RABGAP1: variants seen among roughly 807,000 people sequenced by gnomAD.
RABGAP1 encodes the protein rab GTPase-activating protein 1.
Under a neutral mutation model 137.6 loss-of-function variants are expected in RABGAP1, and 23 were observed. That is an observed-to-expected ratio of 0.17 (90% CI 0.12 to 0.24). The LOEUF is 0.24. Among genes scored for constraint, RABGAP1 ranks in the 10% least tolerant of loss-of-function variants. RABGAP1 has a pLI of 1.00. For missense variants in RABGAP1, 906 were observed against 1,275.8 expected, an observed-to-expected ratio of 0.71 and a Z score of 4.42; for synonymous variants, 451 against 450.7, an observed-to-expected ratio of 1.00 and a Z score of -0.01.
intron 13 of RABGAP1, among the ~76,000 whole-genome samples, chr9:123,048,830 A>C (rs2033333654): frequency 6.6e-6 from 1 of 152,216 alleles, no homozygotes; most frequent in African/African-American, 2.4e-5. Context: ...ATTGCTGTGA[A>C]GGAGAATCAA....
intron 9 of RABGAP1, 114 bp from the exon 10 acceptor site, chr9:122,998,483 C>A: frequency 1.2e-6 from 1 of 840,678 alleles, no homozygotes; most frequent in South Asian, 2.3e-5. Context: ...ATTGATGGTT[C>A]ACTTAAGGTA....
intron 1 of RABGAP1, among the ~76,000 whole-genome samples, chr9:122,951,820 A>C (rs1172035499): frequency 6.6e-6 from 1 of 151,908 alleles, no homozygotes; most frequent in African/African-American, 2.4e-5. Context: ...CGACCCTCCC[A>C]CCTCAGCCTC....
At chr9:123,032,647 T>C (rs2032366265) in intron 13 of RABGAP1, among the ~76,000 whole-genome samples, 1 of 152,230 alleles carries the variant, frequency 6.6e-6, no homozygotes, top group Non-Finnish European at 1.5e-5. Flanking sequence ...TGGAATGCTT[T>C]CAAATGCCGG....
At chr9:123,096,891 A>T (rs921921395) in intron 21 of RABGAP1, among the ~76,000 whole-genome samples, 1 of 152,186 alleles carries the variant, frequency 6.6e-6, no homozygotes, top group Non-Finnish European at 1.5e-5. Flanking sequence ...TTAAGGACCC[A>T]GCTCTCTGGA....
At chr9:123,079,535 G>A (rs993423721) in intron 19 of RABGAP1, among the ~76,000 whole-genome samples, 5 of 151,922 alleles carry the variant, frequency 3.3e-5, no homozygotes, top group South Asian at 4.1e-4. Flanking sequence ...CACCACACCC[G>A]GCCCGCCACT....
intron 2 of RABGAP1, among the ~76,000 whole-genome samples, chr9:122,966,576 T>C (rs1185223739): frequency 1.3e-5 from 2 of 152,044 alleles, no homozygotes; most frequent in African/African-American, 4.8e-5. Flanking sequence ...CCACTCACAA[T>C]GTGAGTGTAG....
Position 122,989,301 on chromosome 9 carries a change from T to C in RABGAP1, c.595T>C (p.Leu199=), listed in dbSNP as rs201234496. The C allele has an allele frequency of 3.1e-6, 5 of 1,612,114 alleles. No homozygotes were observed. The South Asian group carries it at 5.5e-5, about 18-fold the overall frequency. The change falls in exon 5 of 26, where the codon TTA becomes CTA. Residue 199 remains leucine, a synonymous_variant. Coordinates refer to ENST00000373647, the MANE Select transcript of RABGAP1 (RefSeq NM_012197.4). ...TGTATCTTTTTCTCTGAACAGACTC[T>C]TAGATCCTCAGACAAACACTGAAAT... The part of the protein sequence containing the change: ...PNVSEGIVRL[L]DPQTNTEIAN...
At chr9:123,087,392 CCT>C in intron 19 of RABGAP1, among the ~76,000 whole-genome samples, 1 of 152,060 alleles carries the variant, frequency 6.6e-6, no homozygotes, top group African/African-American at 2.4e-5. Flanking sequence ...CACTGCCCTT[CCT>C]CTCATTTATT....
At chr9:123,003,127 AC>A (rs2131843247) in intron 10 of RABGAP1, among the ~76,000 whole-genome samples, 1 of 152,310 alleles carries the variant, frequency 6.6e-6, no homozygotes, top group African/African-American at 2.4e-5. Context: ...AACTTAATAA[AC>A]TAAATGTATT....
chr9:123,010,448 C>T lies in RABGAP1; in HGVS notation c.1469C>T (p.Ala490Val). ...ESERERRKTT[A>V]SPSVRLPQSG... ...GAAAGAGAGAGGAGGAAAACTACAG[C>T]CAGTCCTTCAGTTCGCCTGCCACAG... is the stretch of plus-strand genomic sequence containing the variant. The change falls in exon 11 of 26, where the codon GCC (alanine) becomes GTC (valine). Residue 490 changes from alanine to valine, a missense_variant. Coordinates refer to ENST00000373647, the MANE Select transcript of RABGAP1 (RefSeq NM_012197.4). 6.2e-7 allele frequency: 1 copy of T among 1,613,744 alleles called. No individual in the cohort carries two copies. The highest frequency in any genetic ancestry group is 8.5e-7 in the Non-Finnish European group (1 of 1,179,738).
intron 14 of RABGAP1, among the ~76,000 whole-genome samples, chr9:123,065,955 A>C (rs552381328): frequency 6.6e-6 from 1 of 152,340 alleles, no homozygotes; most frequent in Admixed American, 6.5e-5. Flanking sequence ...TAGCCTGTTC[A>C]ATTTCCGTAT....
chr9:123,071,772 T>G (rs945265240), intron 15 of RABGAP1, among the ~76,000 whole-genome samples: 2 of 152,178 alleles, frequency 1.3e-5, no homozygotes, highest in Non-Finnish European at 2.9e-5. Flanking sequence ...AATGTTGTTA[T>G]GAAAATAATA....
intron 2 of RABGAP1, among the ~76,000 whole-genome samples, chr9:122,963,882 A>G (rs561581589): frequency 4.0e-4 from 61 of 152,336 alleles, no homozygotes; most frequent in African/African-American, 1.4e-3. Flanking sequence ...CCACAGAAAA[A>G]GAAGACAATT....
chr9:123,016,932 A>T (rs1220482150), intron 12 of RABGAP1, among the ~76,000 whole-genome samples: 1 of 152,214 alleles, frequency 6.6e-6, no homozygotes, highest in Non-Finnish European at 1.5e-5. Context: ...AACACTCTCC[A>T]CACTGGAAAA....
Position 123,101,681 on chromosome 9 carries a change from C to T in RABGAP1, c.3005C>T (p.Thr1002Met), listed in dbSNP as rs527539203. 3.1e-5 allele frequency: 50 copies of T among 1,613,874 alleles called. No homozygotes were observed. Among genetic ancestry groups the T allele is most frequent in the Admixed American group, 1.5e-4 (9 of 59,986 alleles). ...GAGGACACGGATGAAGAGAAAGAGA[C>T]GCTCAAGAACCAGCTGAGAGAAATG... ...LDEDTDEEKE[T>M]LKNQLREMEL... The change falls in exon 25 of 26, where the codon ACG (threonine) becomes ATG (methionine). Residue 1002 changes from threonine (T) to methionine (M), a missense_variant. By Grantham distance (81) the Thr-to-Met change is moderately conservative. Coordinates refer to ENST00000373647, the MANE Select transcript of RABGAP1 (RefSeq NM_012197.4).
chr9:122,934,495 CT>C, the RABGAP1 span, among the ~76,000 whole-genome samples: 107 of 152,184 alleles, frequency 7.0e-4, no homozygotes, highest in Non-Finnish European at 1.3e-3. Flanking sequence ...TTTTCCCTTT[CT>C]TTTTAAAAAT....
intron 2 of RABGAP1, among the ~76,000 whole-genome samples, chr9:122,978,379 T>G (rs1243326218): frequency 6.6e-6 from 1 of 152,206 alleles, no homozygotes; most frequent in Non-Finnish European, 1.5e-5. Context: ...TTAGTAGTAT[T>G]CCATTTTATA....
At chr9:122,975,634 T>C (rs748510082) in intron 2 of RABGAP1, among the ~76,000 whole-genome samples, 2 of 152,202 alleles carry the variant, frequency 1.3e-5, no homozygotes, top group African/African-American at 2.4e-5. Flanking sequence ...TCAACTCTAA[T>C]AGGTGGATCA....
intron 13 of RABGAP1, 24 bp from the exon 14 acceptor site, chr9:123,065,324 C>T (rs1295395162): frequency 6.6e-7 from 1 of 1,518,952 alleles, no homozygotes; most frequent in Non-Finnish European, 9.1e-7. Context: ...TAACTAAACC[C>T]TCTCTTTCCT....
Sources: gnomAD v4.1 joint callset for allele counts (sites outside exome capture counted in the v4.1 genomes callset) on GRCh38, gnomAD v4.1.1 for gene constraint, MANE v1.5 for transcripts, NCBI Gene and HGNC (gene_info 2026-07-23, HGNC 2026-07-21) for gene names.